The following MACF1 variants were observed in gnomAD, a reference collection of about 807,000 sequenced individuals.
MACF1 encodes the protein microtubule-actin cross-linking factor 1.
MACF1 carries 193 observed loss-of-function variants against 854.8 expected under a neutral mutation model. That is an observed-to-expected ratio of 0.23 (90% CI 0.20 to 0.25). The LOEUF (loss-of-function observed/expected upper bound fraction) is 0.25. Among genes scored for constraint, MACF1 ranks in the 10% least tolerant of loss-of-function variants. The pLI, the probability that MACF1 is intolerant of heterozygous loss-of-function variation, is 1.00. For synonymous variants in MACF1, 3,185 were observed against 3,226.7 expected (o/e 0.99, Z 0.44); for missense variants, 7,722 against 8,929.1 (o/e 0.86, Z 5.45).
chr1:39,268,594 T>C (rs1645264014), intron 6 of MACF1: 1 of 1,186,418 alleles, frequency 8.4e-7, no homozygotes, highest in Admixed American at 3.7e-5. Context: ...GCATAGTGCA[T>C]GTTTTTAAAT....
chr1:39,365,111 C>G (rs1648578254), intron 49 of MACF1, among the ~76,000 whole-genome samples: 1 of 152,090 alleles, frequency 6.6e-6, no homozygotes, highest in African/African-American at 2.4e-5. Flanking sequence ...GAGTCTTGCT[C>G]TGTCACCGAG....
intron 32 of MACF1, 52 bp downstream of exon 32, chr1:39,322,767 T>A: frequency 6.3e-7 from 1 of 1,582,952 alleles, no homozygotes; most frequent in South Asian, 1.1e-5. Flanking sequence ...AAGGAAAGAT[T>A]CATTTGCCTG....
intron 97 of MACF1, among the ~76,000 whole-genome samples, chr1:39,473,608 C>CTG (rs1274529143): frequency 6.6e-6 from 1 of 152,210 alleles, no homozygotes; most frequent in Non-Finnish European, 1.5e-5. Flanking sequence ...CTTGGTGCTT[C>CTG]TGTTCTTCAT....
chr1:39,306,821 GTCT>G (rs775094266), intron 23 of MACF1, among the ~76,000 whole-genome samples: 22 of 150,678 alleles, frequency 1.5e-4, no homozygotes, highest in Admixed American at 2.6e-4. Flanking sequence ...GAAAATGTCT[GTCT>G]TCTTCTTCCT....
At chr1:39,468,847 GC>G in intron 96 of MACF1, 115 bp downstream of exon 96, 1 of 931,792 alleles carries the variant, frequency 1.1e-6, no homozygotes. Flanking sequence ...TTGTTAAGCT[GC>G]CCAGGTGTCA....
In MACF1 at chr1:39,283,590, T is replaced by G; in HGVS notation, c.915+75T>G. 1 of 1,021,100 alleles carries G rather than the reference T, an allele frequency of 9.8e-7. No individual in the cohort carries two copies. Among genetic ancestry groups the G allele is most frequent in the Non-Finnish European group, 1.5e-6 (1 of 648,598 alleles). 63.3% of individuals were successfully genotyped at this position (1,021,100 alleles called of 1,614,324 possible). Reference sequence around the variant, plus strand: ...GAAATGCATTGGTTAGACACTTTCTTAAGCACTTATGGTATACTCATGGTA... The same window carrying G: ...GAAATGCATTGGTTAGACACTTTCTGAAGCACTTATGGTATACTCATGGTA... On this transcript the variant is annotated intron_variant, in intron 9 of 100. Transcript: ENST00000564288. This position sits in a 1 kb window ranked among gnomAD's most constrained non-coding sequence, Gnocchi z 4.5.
At chr1:39,309,261 GTT>G (rs199800653) in intron 23 of MACF1, among the ~76,000 whole-genome samples, 1 of 142,928 alleles carries the variant, frequency 7.0e-6, no homozygotes, top group African/African-American at 2.6e-5. Flanking sequence ...ATGTAGTTTA[GTT>G]TTTTTTTTTT....
chr1:39,096,486 G>A (rs933136070), intron 2 of MACF1, among the ~76,000 whole-genome samples: 3 of 151,622 alleles, frequency 2.0e-5, no homozygotes, highest in Non-Finnish European at 4.4e-5. Flanking sequence ...GCTACTCGGA[G>A]GGCTGAGGCA....
chr1:39,285,025 C>G, intron 11 of MACF1, 58 bp from the exon 12 acceptor site: 1 of 1,593,790 alleles, frequency 6.3e-7, no homozygotes, highest in Non-Finnish European at 8.6e-7. Context: ...AATAATAAAT[C>G]AAAACTGGGA....
chr1:39,096,958 C>T (rs11583465), intron 2 of MACF1, among the ~76,000 whole-genome samples: 12,110 of 146,794 alleles, frequency 0.082, 577 homozygotes, highest in Non-Finnish European at 0.1. Context: ...CTCACTGCAA[C>T]CTCTGCCTCC....
chr1:39,319,894 TTCCTGCAACCCCATGTTTGGG>T, intron 31 of MACF1, 147 bp downstream of exon 31: 1 of 581,384 alleles, frequency 1.7e-6, no homozygotes, highest in Non-Finnish European at 3.0e-6. Context: ...AGATGTGTAT[TTCCTGCAACCCCATGTTTGGG>T]GTTGCTTGGA....
At chr1:39,346,220 G>C (rs1216406860) in intron 40 of MACF1, among the ~76,000 whole-genome samples, 1 of 151,974 alleles carries the variant, frequency 6.6e-6, no homozygotes, top group Non-Finnish European at 1.5e-5. Context: ...AAATTAGCCG[G>C]GCATGGTGGC....
At chr1:39,315,054 G>T (rs1287601036) in intron 26 of MACF1, among the ~76,000 whole-genome samples, 1 of 152,058 alleles carries the variant, frequency 6.6e-6, no homozygotes, top group African/African-American at 2.4e-5. Context: ...ACATTAACAT[G>T]GTTCTAAAAG....
intron 66 of MACF1, among the ~76,000 whole-genome samples, chr1:39,432,176 A>T (rs1172637322): frequency 6.6e-6 from 1 of 152,252 alleles, no homozygotes; most frequent in Non-Finnish European, 1.5e-5. Flanking sequence ...ATATTTAAAC[A>T]TCTGACTAAA....
At chr1:39,242,750 A>C (rs1644939926) in intron 2 of MACF1, among the ~76,000 whole-genome samples, 5 of 151,628 alleles carry the variant, frequency 3.3e-5, no homozygotes, top group South Asian at 2.1e-4. Flanking sequence ...AAAAAAAAAA[A>C]AAAAAAACTT....
intron 2 of MACF1, among the ~76,000 whole-genome samples, chr1:39,171,411 A>C (rs1643946979): frequency 6.6e-6 from 1 of 152,288 alleles, no homozygotes; most frequent in African/African-American, 2.4e-5. Flanking sequence ...TGGAAATCCC[A>C]TATCCATTAA....
rs1276460255 is a variant in MACF1, at chr1:39,102,205, GAGAGAGAA to G, written c.220+17775_220+17782del. 8.6e-5 allele frequency among the ~76,000 whole-genome samples: 13 copies of G among 151,312 alleles called. No homozygotes were observed. In the South Asian group the frequency reaches 2.1e-3, roughly 25 times the overall value. On this transcript the variant is annotated intron_variant, in intron 2 of 93. Coordinates refer to the MACF1 transcript ENST00000361689. ...AAGAAGAAAAAGAAAGAGAGAGAGA[GAGAGAGAA>G]AGAGAGAGAGAAAGAAAAGAAAAGA...
Position 39,413,918 on chromosome 1 carries a change from C to T in MACF1, c.15817-8456C>T, listed in dbSNP as rs140506518. 238 of 1,606,070 alleles carry T rather than the reference C, an allele frequency of 1.5e-4. 1 individual carries two copies. The highest frequency in any genetic ancestry group is 5.0e-4 in the South Asian group (45 of 89,870). ...GCCACCCTAGAGGAATTCACTTCCC[C>T]GGCAGCTTCAGTGCCCACCTCTGAG... On this transcript the variant is annotated intron_variant, in intron 58 of 100. Coordinates refer to ENST00000564288, the MANE Select transcript of MACF1 (RefSeq NM_001394062.1).
At chr1:39,190,406 T>TTTG (rs1553160980) in intron 2 of MACF1, among the ~76,000 whole-genome samples, 6 of 128,248 alleles carry the variant, frequency 4.7e-5, no homozygotes, top group African/African-American at 7.9e-5. Context: ...TTTTTGTTTT[T>TTTG]TTTTTTTTTT....
Sources: allele counts gnomAD v4.1 joint callset (sites outside exome capture counted in the v4.1 genomes callset), GRCh38; gene constraint gnomAD v4.1.1; non-coding constraint Gnocchi (gnomAD v3.1); transcripts MANE v1.5; gene names NCBI Gene and HGNC (gene_info 2026-07-23, HGNC 2026-07-21).